The following CNTN6 variants were observed in gnomAD, a reference collection of about 807,000 sequenced individuals.
CNTN6 encodes the protein contactin 6.
In CNTN6, 137 loss-of-function variants were observed where a neutral mutation model predicts 122.8. The observed-to-expected ratio is 1.12, with a 90% CI of 0.97 to 1.29. CNTN6 has a LOEUF of 1.29. Among genes scored for constraint, CNTN6 ranks in the 50% most tolerant of loss-of-function variants. The pLI, the probability that CNTN6 is intolerant of heterozygous loss-of-function variation, is 0.00. For synonymous variants in CNTN6, 570 were observed against 426.0 expected, an observed-to-expected ratio of 1.34 and a Z score of -4.16; for missense variants, 1,634 against 1,223.4, an observed-to-expected ratio of 1.34 and a Z score of -5.01.
At chr3:1,318,936 G>C (rs1700480553) in intron 7 of CNTN6, among the ~76,000 whole-genome samples, 1 of 151,782 alleles carries the variant, frequency 6.6e-6, no homozygotes, top group Non-Finnish European at 1.5e-5. Context: ...AGGGACGTGA[G>C]TCCAGCACTG....
chr3:1,393,555 TAAAAAAAAA>T (rs572632140), intron 20 of CNTN6, among the ~76,000 whole-genome samples: 1 of 107,926 alleles, frequency 9.3e-6, no homozygotes, highest in African/African-American at 3.3e-5. Context: ...CTTAAAGAAG[TAAAAAAAAA>T]AAAAAAAAAA....
rs144649526 is a variant in CNTN6 at position 1,321,660 on chromosome 3, G to C, written c.772G>C (p.Asp258His). 3.2e-5 allele frequency: 52 copies of C among 1,610,796 alleles called. No homozygotes were observed. The African/African-American group carries it at 3.9e-4, about 12-fold the overall frequency. The part of the protein sequence containing the change: ...ECFALGNPVP[D>H]ISWRRLDGSP... ...GGTGTAACTGTTTAGTCCAGTCCCC[G>C]ATATTAGTTGGAGAAGGTTGGACGG... Residue 258 changes from aspartate (D) to histidine (H), a missense_variant, in exon 8 of 23, where the codon GAT (aspartate) becomes CAT (histidine). Physicochemically the swap from Asp to His is moderately conservative, Grantham distance 81. Coordinates refer to ENST00000446702, the MANE Select transcript of CNTN6 (RefSeq NM_001289080.2).
At chr3:1,169,257 A>G (rs2093317068) in intron 2 of CNTN6, among the ~76,000 whole-genome samples, 1 of 152,216 alleles carries the variant, frequency 6.6e-6, no homozygotes, top group African/African-American at 2.4e-5. Context: ...TTCTTTCTAA[A>G]TACTTAAAAA....
At chr3:1,378,036 G>C (rs931573909) in intron 17 of CNTN6, among the ~76,000 whole-genome samples, 2 of 152,100 alleles carry the variant, frequency 1.3e-5, no homozygotes, top group Admixed American at 6.5e-5. Context: ...AAGGGTATCA[G>C]TTCCTGGATT....
chr3:1,206,711 A>T (rs545896913), intron 2 of CNTN6, among the ~76,000 whole-genome samples: 4 of 152,202 alleles, frequency 2.6e-5, no homozygotes, highest in Non-Finnish European at 5.9e-5. Flanking sequence ...TCCTCACTCC[A>T]TTCAGGATGT....
intron 20 of CNTN6, among the ~76,000 whole-genome samples, chr3:1,386,482 C>T (rs898428603): frequency 6.6e-6 from 1 of 152,108 alleles, no homozygotes; most frequent in African/African-American, 2.4e-5. Context: ...TGTTTTTCAT[C>T]TTTTGGTGAT....
At chr3:1,272,830 T>G (rs2095048602) in intron 4 of CNTN6, among the ~76,000 whole-genome samples, 1 of 152,206 alleles carries the variant, frequency 6.6e-6, no homozygotes, top group Non-Finnish European at 1.5e-5. Flanking sequence ...TAGGCTGAGA[T>G]TCATTCCTAC....
chr3:1,163,277 TCTGA>T (rs1390905263), intron 2 of CNTN6, among the ~76,000 whole-genome samples: 2 of 152,222 alleles, frequency 1.3e-5, no homozygotes, highest in Non-Finnish European at 2.9e-5. Flanking sequence ...TCAAACTTTT[TCTGA>T]CTGTTATTTT....
chr3:1,307,462 T>A (rs1575635223), intron 7 of CNTN6, among the ~76,000 whole-genome samples: 1 of 134,590 alleles, frequency 7.4e-6, no homozygotes, highest in South Asian at 2.1e-4. Flanking sequence ...TACAGAGAGG[T>A]CCAATATAAC....
chr3:1,256,892 GA>G (rs2125691662), intron 4 of CNTN6, among the ~76,000 whole-genome samples: 1 of 152,128 alleles, frequency 6.6e-6, no homozygotes, highest in South Asian at 2.1e-4. Flanking sequence ...CCGAACAGTA[GA>G]TACTGGGAAG....
chr3:1,348,613 T>G (rs1264879834), intron 11 of CNTN6, among the ~76,000 whole-genome samples: 2 of 152,068 alleles, frequency 1.3e-5, no homozygotes, highest in African/African-American at 4.8e-5. Flanking sequence ...TACATGCACA[T>G]ATAGCTTAAA....
At position 1,375,538 on chromosome 3, in the gene CNTN6, G is replaced by A. The variant is rs376028814; in HGVS notation, c.2095+1465G>A. On this transcript the variant is annotated intron_variant, in intron 16 of 22. Coordinates refer to ENST00000446702, the MANE Select transcript of CNTN6 (RefSeq NM_001289080.2). ...TTCTCAGAACATTGGAAACTTTGTA[G>A]AAAGTAAATCAAAATATAATTCAAA... is the stretch of plus-strand genomic sequence containing the variant. 9.2e-5 allele frequency among the ~76,000 whole-genome samples: 14 copies of A among 152,156 alleles called. No homozygotes were observed. The East Asian group carries it at 2.7e-3, about 29-fold the overall frequency.
At chr3:1,103,438 C>T (rs529043323) in intron 1 of CNTN6, among the ~76,000 whole-genome samples, 1 of 152,118 alleles carries the variant, frequency 6.6e-6, no homozygotes, top group Non-Finnish European at 1.5e-5. Flanking sequence ...TGTGCCTATG[C>T]GGTTTGTAGA....
chr3:1,342,279 G>A (rs906250001), intron 11 of CNTN6, among the ~76,000 whole-genome samples: 5 of 152,048 alleles, frequency 3.3e-5, no homozygotes, highest in South Asian at 2.1e-4. Flanking sequence ...ACAGGCGAGC[G>A]CCACCACACC....
In CNTN6 at chr3:1,402,377, A is replaced by G. The variant is rs775280967; in HGVS notation, c.2877A>G (p.Ser959=). ...KTHILETNNT[S]AELLVPFEED... ...ATATTTTGGAAACAAACAATACATC[A>G]GCTGAGCTTCTGGTTCCATTTGAAG... is the stretch of plus-strand genomic sequence containing the variant. Residue 959 remains serine (S), a synonymous_variant, in exon 22 of 23, where the codon TCA becomes TCG. Transcript: ENST00000446702. 2.5e-6 allele frequency: 4 copies of G among 1,612,568 alleles called. No homozygotes were observed. The highest frequency in any genetic ancestry group is 3.4e-6 in the Non-Finnish European group (4 of 1,179,108).
intron 5 of CNTN6, among the ~76,000 whole-genome samples, chr3:1,281,096 C>T (rs754991434): frequency 6.6e-6 from 1 of 152,202 alleles, no homozygotes; most frequent in Non-Finnish European, 1.5e-5. Flanking sequence ...GCCATCTAAT[C>T]TTATCTAATC....
intron 7 of CNTN6, among the ~76,000 whole-genome samples, chr3:1,306,348 C>T (rs1286179269): frequency 1.3e-5 from 2 of 152,044 alleles, no homozygotes; most frequent in East Asian, 3.9e-4. Context: ...CAAGTAAACT[C>T]TATAGAACAC....
intron 7 of CNTN6, among the ~76,000 whole-genome samples, chr3:1,313,009 A>G (rs1014546751): frequency 2.1e-5 from 3 of 145,458 alleles, no homozygotes; most frequent in African/African-American, 8.4e-5. Context: ...TGATAAAATG[A>G]TAAACTGTTA....
chr3:1,193,184 C>T (rs1235903926), intron 2 of CNTN6, among the ~76,000 whole-genome samples: 3 of 152,138 alleles, frequency 2.0e-5, no homozygotes, highest in Non-Finnish European at 4.4e-5. Context: ...TCAGGTTTTG[C>T]TGTGCTATTG....
Sources: gnomAD v4.1 joint callset for allele counts (sites outside exome capture counted in the v4.1 genomes callset) on GRCh38, gnomAD v4.1.1 for gene constraint, MANE v1.5 for transcripts, NCBI Gene and HGNC (gene_info 2026-07-23, HGNC 2026-07-21) for gene names.